Variants in OR10J1 observed in about 807,000 individuals in gnomAD.
OR10J1 encodes the protein olfactory receptor 10J1.
For missense variants in OR10J1, 474 were observed against 376.6 expected, an observed-to-expected ratio of 1.26 and a Z score of -2.14; for synonymous variants, 202 against 143.8, an observed-to-expected ratio of 1.40 and a Z score of -2.89.
Position 159,440,568 on chromosome 1 carries a change from C to A in OR10J1, c.777C>A (p.Leu259=). Residue 259 remains leucine, a synonymous_variant, in exon 1 of 1, where the codon CTC becomes CTA. Transcript: ENST00000423932. The part of the protein sequence containing the change: ...VHYSCASIAY[L]KPKSENTREH... Reference sequence around the variant, plus strand: ...ACAGCTGTGCCTCCATTGCCTACCTCAAGCCCAAGTCAGAGAACACCAGAG... The same window carrying A: ...ACAGCTGTGCCTCCATTGCCTACCTAAAGCCCAAGTCAGAGAACACCAGAG... 6.2e-7 allele frequency: 1 copy of A among 1,614,064 alleles called. No homozygotes were observed. Among genetic ancestry groups the A allele is most frequent in the South Asian group, 1.1e-5 (1 of 91,070 alleles).
the OR10J1 span, among the ~76,000 whole-genome samples, chr1:159,404,131 G>C: frequency 2.0e-5 from 3 of 152,048 alleles, no homozygotes; most frequent in Non-Finnish European, 4.4e-5. Context: ...GCTTGAGGGG[G>C]AGGTGGGGAT....
the OR10J1 span, among the ~76,000 whole-genome samples, chr1:159,410,735 T>C: frequency 4.0e-5 from 6 of 151,030 alleles, no homozygotes; most frequent in African/African-American, 1.5e-4. Context: ...TCTTGTCTTC[T>C]GCTAGCTTTT....
chr1:159,418,481 T>C, the OR10J1 span, among the ~76,000 whole-genome samples: 1 of 152,170 alleles, frequency 6.6e-6, no homozygotes, highest in Non-Finnish European at 1.5e-5. Flanking sequence ...TGCCATGTGG[T>C]GTCGAGCCTG....
At chr1:159,429,557 A>G in the OR10J1 span, among the ~76,000 whole-genome samples, 1 of 152,166 alleles carries the variant, frequency 6.6e-6, no homozygotes, top group African/African-American at 2.4e-5. Flanking sequence ...AAAAACCAAG[A>G]TTGTCGAAGT....
the OR10J1 span, among the ~76,000 whole-genome samples, chr1:159,408,570 C>G: frequency 1.3e-5 from 2 of 151,006 alleles, no homozygotes; most frequent in African/African-American, 4.9e-5. Context: ...ACATATGTAA[C>G]TAACCTGCAC....
At chr1:159,413,885 T>C in the OR10J1 span, among the ~76,000 whole-genome samples, 17 of 151,092 alleles carry the variant, frequency 1.1e-4, no homozygotes, top group Admixed American at 4.6e-4. Flanking sequence ...AATAAAAAAA[T>C]ATATTGCTTG....
At position 159,439,962 on chromosome 1, in the gene OR10J1, A is replaced by C; in HGVS notation, c.171A>C (p.Thr57=). 1 of 1,614,004 alleles carries C rather than the reference A, an allele frequency of 6.2e-7. No individual in the cohort carries two copies. Among genetic ancestry groups the C allele is most frequent in the Non-Finnish European group, 8.5e-7 (1 of 1,179,990 alleles). Residue 57 remains threonine (T), a synonymous_variant, in exon 1 of 1, where the codon ACA becomes ACC. Coordinates refer to ENST00000423932, the MANE Select transcript of OR10J1 (RefSeq NM_012351.3). ...TCCGAATGGATCTTCATCTTCACAC[A>C]CCCATGTACTTCTTCCTGAGCATGC... The part of the protein sequence containing the change: ...TIIRMDLHLH[T]PMYFFLSMLS...
At chr1:159,414,523 G>A in the OR10J1 span, among the ~76,000 whole-genome samples, 2 of 152,052 alleles carry the variant, frequency 1.3e-5, no homozygotes, top group African/African-American at 4.8e-5. Flanking sequence ...CCATATCTTA[G>A]CTATTTTGAA....
chr1:159,438,959 C>T (rs1451876050), upstream of OR10J1, among the ~76,000 whole-genome samples: 1 of 152,076 alleles, frequency 6.6e-6, no homozygotes, highest in Non-Finnish European at 1.5e-5. Context: ...AATTGTTTAT[C>T]TCTGCAGAGT....
the OR10J1 span, among the ~76,000 whole-genome samples, chr1:159,409,914 T>C: frequency 1.3e-5 from 2 of 152,228 alleles, no homozygotes; most frequent in South Asian, 4.1e-4. Context: ...TGAAGGGTTG[T>C]TGAATTTTGT....
chr1:159,435,835 G>C (rs1301285666), upstream of OR10J1, among the ~76,000 whole-genome samples: 8 of 152,254 alleles, frequency 5.3e-5, no homozygotes, highest in Non-Finnish European at 1.0e-4. Flanking sequence ...TTTGCATTAG[G>C]TTCTTTTGGC....
chr1:159,432,396 A>T, the OR10J1 span: 2 of 403,366 alleles, frequency 5.0e-6, no homozygotes, highest in Non-Finnish European at 8.8e-6. Context: ...TTTCTTCCTG[A>T]GTGTGCTGTC....
the OR10J1 span, among the ~76,000 whole-genome samples, chr1:159,423,416 G>C: frequency 3.3e-5 from 5 of 152,120 alleles, no homozygotes; most frequent in Admixed American, 6.6e-5. Context: ...ATTTGTATAG[G>C]GAACAGCCTT....
In OR10J1 at chr1:159,439,885, C is replaced by T. The variant is rs756037416; in HGVS notation, c.94C>T (p.Leu32Phe). The stretch of plus-strand genomic sequence containing the variant: ...GCAGATCACCCTTTTTGGCGTGTTC[C>T]TTGCACTATACATCTTAACCTTAGC... ...EQQITLFGVF[L>F]ALYILTLAGN... is the part of the protein sequence containing the mutation. Residue 32 changes from leucine (L) to phenylalanine (F), a missense_variant, in exon 1 of 1, where the codon CTT becomes TTT. Leu to Phe is a conservative substitution (Grantham distance 22). Transcript: ENST00000423932. 6.2e-7 allele frequency: 1 copy of T among 1,614,098 alleles called. No homozygotes were observed. Among genetic ancestry groups the T allele is most frequent in the East Asian group, 2.2e-5 (1 of 44,868 alleles).
At chr1:159,414,566 C>T in the OR10J1 span, among the ~76,000 whole-genome samples, 1 of 151,952 alleles carries the variant, frequency 6.6e-6, no homozygotes, top group Non-Finnish European at 1.5e-5. Context: ...GTGTAGATAT[C>T]TCTTCAATAT....
the OR10J1 span, among the ~76,000 whole-genome samples, chr1:159,419,166 C>A: frequency 6.6e-6 from 1 of 152,108 alleles, no homozygotes; most frequent in African/African-American, 2.4e-5. Flanking sequence ...TGAGTTAAGA[C>A]TTTGTGGAGC....
the OR10J1 span, among the ~76,000 whole-genome samples, chr1:159,428,037 G>C: frequency 6.6e-6 from 1 of 151,936 alleles, no homozygotes; most frequent in Non-Finnish European, 1.5e-5. Flanking sequence ...GGAATAGAAG[G>C]GAACTTCCTT....
chr1:159,419,196 G>T, the OR10J1 span, among the ~76,000 whole-genome samples: 1 of 152,120 alleles, frequency 6.6e-6, no homozygotes, highest in Non-Finnish European at 1.5e-5. Context: ...GGCATGATTG[G>T]TTTTGAAATG....
the OR10J1 span, among the ~76,000 whole-genome samples, chr1:159,408,558 A>G: frequency 6.6e-6 from 1 of 151,846 alleles, no homozygotes; most frequent in South Asian, 2.1e-4. Context: ...TGGCACATGT[A>G]TACATATGTA....
Sources: gnomAD v4.1 joint callset for allele counts (sites outside exome capture counted in the v4.1 genomes callset) on GRCh38, gnomAD v4.1.1 for gene constraint, MANE v1.5 for transcripts, NCBI Gene and HGNC (gene_info 2026-07-23, HGNC 2026-07-21) for gene names.